CNKSR3: variants seen among roughly 807,000 people sequenced by gnomAD.
CNKSR3 encodes the protein connector enhancer of kinase suppressor of ras 3.
In CNKSR3, 36 loss-of-function variants were observed where a neutral mutation model predicts 67.7. That is an observed-to-expected ratio of 0.53 (90% CI 0.41 to 0.70). The LOEUF (loss-of-function observed/expected upper bound fraction) is 0.70. CNKSR3 is among the 30% of genes least tolerant of loss of function. The pLI, the probability that CNKSR3 is intolerant of heterozygous loss-of-function variation, is 0.00. For missense variants in CNKSR3, 630 were observed against 695.2 expected, an observed-to-expected ratio of 0.91 and a Z score of 1.05; for synonymous variants, 281 against 271.4, an observed-to-expected ratio of 1.04 and a Z score of -0.35.
chr6:154,416,679 G>T (rs985031583), intron 9 of CNKSR3, among the ~76,000 whole-genome samples: 1 of 152,178 alleles, frequency 6.6e-6, no homozygotes, highest in African/African-American at 2.4e-5. Flanking sequence ...TCTGAGAAGG[G>T]TGGGTGCCCA....
chr6:154,493,259 T>G (rs1289456530), intron 1 of CNKSR3, among the ~76,000 whole-genome samples: 1 of 152,166 alleles, frequency 6.6e-6, no homozygotes, highest in Non-Finnish European at 1.5e-5. Context: ...TCCCTGGTCA[T>G]CCTAGTTAAA....
In CNKSR3 at chr6:154,414,430, C is replaced by T; in HGVS notation, c.946-7G>A. On this transcript the variant is annotated splice_region_variant and splice_polypyrimidine_tract_variant and intron_variant, in intron 9 of 12. Transcript: ENST00000607772. The stretch of plus-strand genomic sequence containing the variant: ...TCGCGGGTGGAGGTGAGGTCTGAAA[C>T]AGGAGTAACACAGCAATGCAAAGAG... 1 of 1,579,724 alleles carries T rather than the reference C, an allele frequency of 6.3e-7. No homozygotes were observed. Among genetic ancestry groups the T allele is most frequent in the Non-Finnish European group, 8.6e-7 (1 of 1,166,462 alleles).
chr6:154,436,089 T>A (rs568988308), intron 4 of CNKSR3, among the ~76,000 whole-genome samples: 33 of 152,392 alleles, frequency 2.2e-4, no homozygotes, highest in Admixed American at 1.3e-3. Context: ...TTCGGTGTGA[T>A]GGCATGTGTC....
At chr6:154,423,049 C>A (rs1448923641) in intron 7 of CNKSR3, 66 bp from the exon 8 acceptor site, 9 of 1,071,590 alleles carry the variant, frequency 8.4e-6, no homozygotes, top group Middle Eastern at 2.1e-4. Context: ...GCTTTTATTT[C>A]TTCTTTCTTC....
chr6:154,488,543 C>T (rs1786723284), intron 1 of CNKSR3, among the ~76,000 whole-genome samples: 1 of 152,086 alleles, frequency 6.6e-6, no homozygotes, highest in Non-Finnish European at 1.5e-5. Context: ...GATACTAATC[C>T]ACATGCTATC....
chr6:154,484,305 G>A (rs1786622330), intron 1 of CNKSR3, among the ~76,000 whole-genome samples: 1 of 152,168 alleles, frequency 6.6e-6, no homozygotes, highest in African/African-American at 2.4e-5. Flanking sequence ...ACCAACAGAA[G>A]TCAAGAAACA....
At chr6:154,475,652 G>A (rs1257215488) in intron 1 of CNKSR3, among the ~76,000 whole-genome samples, 1 of 152,182 alleles carries the variant, frequency 6.6e-6, no homozygotes, top group Non-Finnish European at 1.5e-5. Context: ...TCAAATGTCA[G>A]TCTTCTGGGG....
chr6:154,454,104 CAGAGAGAGAGAGAGAGAGAG>C lies in CNKSR3; in HGVS notation c.53-3866_53-3847del, dbSNP rs71021054. On this transcript the variant is annotated intron_variant, in intron 1 of 12. Coordinates refer to ENST00000607772, the MANE Select transcript of CNKSR3 (RefSeq NM_173515.4). ...GAAAACACACACACACACACACACA[CAGAGAGAGAGAGAGAGAGAG>C]AGAGAGAGAGAGAGAGAGAGATAAG... Among the ~76,000 whole-genome samples, 629 of 116,338 alleles carry C rather than the reference CAGAGAGAGAGAGAGAGAGAG, an allele frequency of 5.4e-3. 16 individuals carry two copies. The highest frequency in any genetic ancestry group is 8.2e-3 in the Non-Finnish European group (461 of 56,138). The allele number at this position is 116,338 out of a possible 152,430, so 76.3% of individuals were successfully genotyped here.
At chr6:154,458,432 T>A (rs770387208) in intron 1 of CNKSR3, among the ~76,000 whole-genome samples, 1 of 152,208 alleles carries the variant, frequency 6.6e-6, no homozygotes, top group Non-Finnish European at 1.5e-5. Context: ...TTTATTATTT[T>A]CTTTTTGTCA....
At chr6:154,459,341 C>A (rs951546945) in intron 1 of CNKSR3, among the ~76,000 whole-genome samples, 2 of 151,884 alleles carry the variant, frequency 1.3e-5, no homozygotes, top group Non-Finnish European at 2.9e-5. Context: ...CCTGGGAAGC[C>A]CAACTTACAA....
chr6:154,450,020 C>T (rs966035659), intron 2 of CNKSR3, 75 bp downstream of exon 2: 1 of 1,406,144 alleles, frequency 7.1e-7, no homozygotes, highest in Non-Finnish European at 9.7e-7. Flanking sequence ...TGCTAAATCA[C>T]AAACAATGAC....
In CNKSR3 at chr6:154,414,497, T is replaced by C. The variant is rs1784978471; in HGVS notation, c.946-74A>G. ...GATGATTCTTGGTGTTTATTTCCCC[T>C]CCCCCAAACCAACACCAACCCCGTG... On this transcript the variant is annotated intron_variant, in intron 9 of 12. Transcript: ENST00000607772. 2.0e-6 allele frequency: 3 copies of C among 1,505,612 alleles called. No individual in the cohort carries two copies. The Admixed American group carries it at 5.8e-5, about 29-fold the overall frequency. 93.3% of individuals were successfully genotyped at this position (1,505,612 alleles called of 1,614,324 possible).
intron 6 of CNKSR3, 54 bp downstream of exon 6, chr6:154,430,418 A>C: frequency 6.6e-7 from 1 of 1,513,916 alleles, no homozygotes; most frequent in African/African-American, 1.4e-5. Flanking sequence ...TTAAAAATTT[A>C]GTAAATGATG....
chr6:154,440,569 C>T (rs1305549630), intron 4 of CNKSR3, among the ~76,000 whole-genome samples: 4 of 152,282 alleles, frequency 2.6e-5, no homozygotes, highest in South Asian at 4.1e-4. Flanking sequence ...TATAAAACTT[C>T]CTGAGCCTTT....
At chr6:154,424,089 A>G (rs1785203133) in intron 7 of CNKSR3, among the ~76,000 whole-genome samples, 1 of 152,144 alleles carries the variant, frequency 6.6e-6, no homozygotes, top group South Asian at 2.1e-4. Context: ...AAAATTAGCC[A>G]GGCATGGTGG....
intron 1 of CNKSR3, among the ~76,000 whole-genome samples, chr6:154,497,979 C>T (rs1786911599): frequency 6.6e-6 from 1 of 152,200 alleles, no homozygotes; most frequent in Non-Finnish European, 1.5e-5. Flanking sequence ...CAAACACAAA[C>T]AGCTCCCATC....
intron 4 of CNKSR3, among the ~76,000 whole-genome samples, chr6:154,439,079 T>C (rs547882048): frequency 6.6e-6 from 1 of 152,258 alleles, no homozygotes; most frequent in Non-Finnish European, 1.5e-5. Flanking sequence ...ATTACTCAAG[T>C]GTCACCTTCT....
intron 9 of CNKSR3, among the ~76,000 whole-genome samples, chr6:154,422,271 G>A (rs1170425270): frequency 2.0e-5 from 3 of 152,140 alleles, no homozygotes; most frequent in East Asian, 1.9e-4. Context: ...GATTACAGGC[G>A]TGAGCCACCG....
At chr6:154,491,624 T>G (rs1229571468) in intron 1 of CNKSR3, among the ~76,000 whole-genome samples, 3 of 151,904 alleles carry the variant, frequency 2.0e-5, no homozygotes, top group Non-Finnish European at 4.4e-5. Context: ...AACACCAAAC[T>G]CAGAGAGAGA....
Sources: gnomAD v4.1 joint callset for allele counts (sites outside exome capture counted in the v4.1 genomes callset) on GRCh38, gnomAD v4.1.1 for gene constraint, MANE v1.5 for transcripts, NCBI Gene and HGNC (gene_info 2026-07-23, HGNC 2026-07-21) for gene names.